Variants in CSMD1 observed in about 807,000 individuals in gnomAD.
CSMD1 encodes the protein CUB and sushi domain-containing protein 1.
Under a neutral mutation model 417.5 loss-of-function variants are expected in CSMD1, and 213 were observed. The observed-to-expected ratio is 0.51, with a 90% CI of 0.46 to 0.57. The LOEUF (loss-of-function observed/expected upper bound fraction) is 0.57, where lower values mean the gene tolerates loss of function less well. Among genes scored for constraint, CSMD1 ranks in the 20% least tolerant of loss-of-function variants. The probability of loss-of-function intolerance (pLI) is 0.00; values close to 1 mark genes in which losing one functional copy is unlikely to be tolerated. For missense variants in CSMD1, 6,923 were observed against 4,529.7 expected, an observed-to-expected ratio of 1.53 and a Z score of -15.17; for synonymous variants, 2,862 against 1,736.8, an observed-to-expected ratio of 1.65 and a Z score of -16.11.
At chr8:4,196,418 T>C (rs947502942) in intron 3 of CSMD1, among the ~76,000 whole-genome samples, 18 of 152,136 alleles carry the variant, frequency 1.2e-4, no homozygotes, top group South Asian at 2.1e-4. Flanking sequence ...TCAAGGCGTT[T>C]TCAGGCTACA....
chr8:4,912,133 A>AG (rs1475697599), intron 1 of CSMD1, among the ~76,000 whole-genome samples: 1,976 of 144,368 alleles, frequency 0.014, 76 homozygotes, highest in African/African-American at 0.047. Flanking sequence ...AAAAAAAAAA[A>AG]AAAAAAAAGA....
chr8:3,817,250 T>G (rs891142419), intron 5 of CSMD1, among the ~76,000 whole-genome samples: 2 of 120,770 alleles, frequency 1.7e-5, no homozygotes, highest in African/African-American at 6.6e-5. Flanking sequence ...TATCTTCTTC[T>G]TCTTTTTTTT....
At chr8:4,188,771 G>A (rs998239191) in intron 3 of CSMD1, among the ~76,000 whole-genome samples, 1 of 149,606 alleles carries the variant, frequency 6.7e-6, no homozygotes, top group Non-Finnish European at 1.5e-5. Flanking sequence ...ATTTTTAGTA[G>A]GAAAGAAGAT....
intron 23 of CSMD1, among the ~76,000 whole-genome samples, chr8:3,329,168 T>C (rs911074436): frequency 6.6e-6 from 1 of 152,096 alleles, no homozygotes; most frequent in Admixed American, 6.6e-5. Flanking sequence ...GCCATAGCAC[T>C]CAAGAGGGCA....
intron 11 of CSMD1, among the ~76,000 whole-genome samples, chr8:3,472,117 T>A (rs938440650): frequency 6.6e-6 from 1 of 152,124 alleles, no homozygotes; most frequent in Non-Finnish European, 1.5e-5. Context: ...TTGCTCCCTG[T>A]GGGCAATCTG....
At chr8:3,535,294 C>T (rs975215289) in intron 10 of CSMD1, among the ~76,000 whole-genome samples, 1 of 152,062 alleles carries the variant, frequency 6.6e-6, no homozygotes, top group Non-Finnish European at 1.5e-5. Flanking sequence ...AATAGTTATT[C>T]AAGCTTTTGG....
intron 3 of CSMD1, among the ~76,000 whole-genome samples, chr8:4,214,452 C>T (rs149174744): frequency 2.2e-4 from 34 of 152,214 alleles, no homozygotes; most frequent in African/African-American, 7.9e-4. Context: ...CATGCACCAC[C>T]ACACTTGGCT....
At chr8:4,327,661 C>A (rs562728359) in intron 3 of CSMD1, among the ~76,000 whole-genome samples, 1 of 152,106 alleles carries the variant, frequency 6.6e-6, no homozygotes, top group African/African-American at 2.4e-5. Context: ...AAAAGCTCCA[C>A]GATGCATGTT....
intron 2 of CSMD1, among the ~76,000 whole-genome samples, chr8:4,616,434 T>G (rs1178597916): frequency 6.6e-6 from 1 of 152,208 alleles, no homozygotes; most frequent in Non-Finnish European, 1.5e-5. Flanking sequence ...CACTGGCTAT[T>G]TAGTCTGTAA....
chr8:4,861,199 A>G (rs976168657), intron 1 of CSMD1, among the ~76,000 whole-genome samples: 1 of 152,168 alleles, frequency 6.6e-6, no homozygotes, highest in East Asian at 1.9e-4. Flanking sequence ...TATCTCAGAG[A>G]CCTGCTCTAA....
At chr8:4,566,769 A>G (rs1798633477) in intron 2 of CSMD1, among the ~76,000 whole-genome samples, 1 of 151,536 alleles carries the variant, frequency 6.6e-6, no homozygotes. Context: ...AACAAAATTT[A>G]TTTTAATGAA....
intron 5 of CSMD1, among the ~76,000 whole-genome samples, chr8:3,783,011 G>A (rs990808448): frequency 4.6e-5 from 7 of 152,152 alleles, no homozygotes; most frequent in African/African-American, 1.7e-4. Flanking sequence ...ACGTCCTATA[G>A]CACATCGCAA....
intron 10 of CSMD1, among the ~76,000 whole-genome samples, chr8:3,504,339 A>T (rs377114070): frequency 2.6e-5 from 4 of 152,194 alleles, no homozygotes; most frequent in African/African-American, 9.7e-5. Context: ...AGAGTCTTGA[A>T]AGAATTGTTT....
chr8:4,874,800 G>T (rs1295586754), intron 1 of CSMD1, among the ~76,000 whole-genome samples: 2 of 149,056 alleles, frequency 1.3e-5, no homozygotes, highest in African/African-American at 4.9e-5. Flanking sequence ...TTTTGTGTGT[G>T]TATATATATA....
At chr8:4,907,666 C>A (rs1191913765) in intron 1 of CSMD1, among the ~76,000 whole-genome samples, 1 of 152,036 alleles carries the variant, frequency 6.6e-6, no homozygotes, top group Non-Finnish European at 1.5e-5. Context: ...CTCTAATGAT[C>A]CTCCTAGTCA....
intron 2 of CSMD1, among the ~76,000 whole-genome samples, chr8:4,566,689 T>G (rs1798628511): frequency 6.6e-6 from 1 of 151,156 alleles, no homozygotes; most frequent in Non-Finnish European, 1.5e-5. Flanking sequence ...GAAAGCTAGT[T>G]TTGGTATAAT....
intron 5 of CSMD1, among the ~76,000 whole-genome samples, chr8:3,842,106 T>C (rs531991662): frequency 1.4e-4 from 22 of 152,336 alleles, no homozygotes. Flanking sequence ...ACACATGCCT[T>C]CATTCTGCCT....
At chr8:4,350,376 G>C (rs1334954963) in intron 3 of CSMD1, among the ~76,000 whole-genome samples, 2 of 152,114 alleles carry the variant, frequency 1.3e-5, no homozygotes, top group African/African-American at 4.8e-5. Flanking sequence ...AATCAAAATA[G>C]TGTTATAAAT....
intron 1 of CSMD1, among the ~76,000 whole-genome samples, chr8:4,668,415 C>CATTATTGTTATTATTATT (rs761167253): frequency 3.8e-5 from 5 of 129,994 alleles, no homozygotes; most frequent in African/African-American, 1.4e-4. Context: ...TGATGTTTTC[C>CATTATTGTTATTATTATT]ATTATTATTA....
Sources: allele counts gnomAD v4.1 joint callset (sites outside exome capture counted in the v4.1 genomes callset), GRCh38; gene constraint gnomAD v4.1.1; transcripts MANE v1.5; gene names NCBI Gene and HGNC (gene_info 2026-07-23, HGNC 2026-07-21).